Variants in SDK1 observed in about 807,000 individuals in gnomAD.
SDK1 encodes the protein sidekick cell adhesion molecule 1.
SDK1 carries 157 observed loss-of-function variants against 245.5 expected under a neutral mutation model. That is an observed-to-expected ratio of 0.64 (90% confidence interval 0.56 to 0.73). The LOEUF (loss-of-function observed/expected upper bound fraction) is 0.73, where lower values mean the gene tolerates loss of function less well. SDK1 is among the 30% of genes least tolerant of loss of function. The pLI, the probability that SDK1 is intolerant of heterozygous loss-of-function variation, is 0.00. For synonymous variants in SDK1, 1,647 were observed against 1,278.5 expected, an observed-to-expected ratio of 1.29 and a Z score of -6.15; for missense variants, 3,583 against 3,002.3, an observed-to-expected ratio of 1.19 and a Z score of -4.52.
intron 1 of SDK1, among the ~76,000 whole-genome samples, chr7:3,384,859 C>A (rs1350519254): frequency 1.3e-5 from 2 of 152,020 alleles, no homozygotes; most frequent in Non-Finnish European, 2.9e-5. Flanking sequence ...ACTGCAGTAC[C>A]CGTAGTATAT....
At chr7:3,488,350 A>C (rs1191074185) in intron 1 of SDK1, among the ~76,000 whole-genome samples, 1 of 151,968 alleles carries the variant, frequency 6.6e-6, no homozygotes, top group Non-Finnish European at 1.5e-5. Context: ...TTATTTTCTA[A>C]AGATTTTGTA....
chr7:4,128,282 G>A (rs1056607975), intron 26 of SDK1, among the ~76,000 whole-genome samples: 2 of 152,068 alleles, frequency 1.3e-5, no homozygotes, highest in African/African-American at 2.4e-5. Flanking sequence ...TGTTTTCCCC[G>A]CCTGCTCTCC....
intron 22 of SDK1, among the ~76,000 whole-genome samples, chr7:4,088,983 C>A (rs531936306): frequency 2.0e-5 from 3 of 150,312 alleles, no homozygotes; most frequent in Non-Finnish European, 3.0e-5. Context: ...GAGGTGAGAC[C>A]CTCCCTCAGG....
intron 26 of SDK1, among the ~76,000 whole-genome samples, chr7:4,128,331 T>A (rs1784528992): frequency 6.6e-6 from 1 of 152,236 alleles, no homozygotes; most frequent in South Asian, 2.1e-4. Flanking sequence ...AAGTGCGCCC[T>A]GCTGGCTCTG....
intron 5 of SDK1, among the ~76,000 whole-genome samples, chr7:3,949,786 T>C (rs1431938604): frequency 3.3e-5 from 5 of 152,324 alleles, no homozygotes; most frequent in Non-Finnish European, 5.9e-5. Flanking sequence ...CGAGATAAAT[T>C]ATTTATAGTT....
At chr7:3,678,118 A>G (rs1783967414) in intron 4 of SDK1, among the ~76,000 whole-genome samples, 1 of 152,208 alleles carries the variant, frequency 6.6e-6, no homozygotes, top group African/African-American at 2.4e-5. Context: ...CTAATATAAA[A>G]AGTAGAAAAT....
At position 4,049,472 on chromosome 7, in the gene SDK1, C is replaced by T. The variant is rs762944416; in HGVS notation, c.2718+9C>T. Reference sequence around the variant, plus strand: ...TCAACCAGGGATACAAGGTACGTGGCCTGGGTTCAGGGCCTGTGGGCAGCT... The same window carrying T: ...TCAACCAGGGATACAAGGTACGTGGTCTGGGTTCAGGGCCTGTGGGCAGCT... On this transcript the variant is annotated intron_variant, in intron 18 of 44. Transcript: ENST00000404826. 1.2e-5 allele frequency: 19 copies of T among 1,603,428 alleles called. No homozygotes were observed. In the South Asian group the frequency reaches 1.5e-4, roughly 13 times the overall value.
At chr7:4,104,571 C>A (rs1671563697) in intron 22 of SDK1, among the ~76,000 whole-genome samples, 1 of 152,212 alleles carries the variant, frequency 6.6e-6, no homozygotes, top group Admixed American at 6.5e-5. Flanking sequence ...TTCTTTCTTT[C>A]ATTCACTCTA....
At chr7:3,656,308 A>G (rs894211330) in intron 4 of SDK1, among the ~76,000 whole-genome samples, 3 of 152,100 alleles carry the variant, frequency 2.0e-5, no homozygotes, top group Admixed American at 2.0e-4. Context: ...TGTATCTGCT[A>G]GATAGTTTGT....
At chr7:3,877,599 TAAAAA>T (rs1239636911) in intron 5 of SDK1, among the ~76,000 whole-genome samples, 1 of 152,210 alleles carries the variant, frequency 6.6e-6, no homozygotes, top group Non-Finnish European at 1.5e-5. Flanking sequence ...ATAAAAGTAT[TAAAAA>T]AGAATACACA....
Position 4,174,204 on chromosome 7 carries a change from G to A in SDK1, c.4801-18G>A, listed in dbSNP as rs371299247. 252 of 1,613,672 alleles carry A rather than the reference G, an allele frequency of 1.6e-4. No individual in the cohort carries two copies. In the African/African-American group the frequency reaches 3.1e-3, roughly 20 times the overall value. Reference sequence around the variant, plus strand: ...TTGACTCCCATGGTGTGGCTGAGTCGGTGTGATGTCTTTGCAGCCTCCGAG... The same window carrying A: ...TTGACTCCCATGGTGTGGCTGAGTCAGTGTGATGTCTTTGCAGCCTCCGAG... On this transcript the variant is annotated intron_variant, in intron 32 of 44. Coordinates refer to ENST00000404826, the MANE Select transcript of SDK1 (RefSeq NM_152744.4).
At chr7:4,182,443 C>T (rs1042130289) in intron 35 of SDK1, among the ~76,000 whole-genome samples, 22 of 152,202 alleles carry the variant, frequency 1.4e-4, no homozygotes, top group East Asian at 3.8e-4. Context: ...CTTTGTCATT[C>T]GGGCAAATTG....
chr7:3,754,696 G>A (rs748216357), intron 4 of SDK1, among the ~76,000 whole-genome samples: 16 of 152,028 alleles, frequency 1.1e-4, no homozygotes, highest in Non-Finnish European at 2.2e-4. Flanking sequence ...GGTGGGGGGC[G>A]GAGTACTCCC....
chr7:4,204,691 C>T (rs991253286), intron 35 of SDK1, among the ~76,000 whole-genome samples: 7 of 152,186 alleles, frequency 4.6e-5, no homozygotes, highest in Non-Finnish European at 7.3e-5. Flanking sequence ...ACTCCTGGGC[C>T]GCAGCCCCGG....
intron 1 of SDK1, among the ~76,000 whole-genome samples, chr7:3,316,361 C>A (rs923105178): frequency 6.6e-6 from 1 of 152,060 alleles, no homozygotes; most frequent in African/African-American, 2.4e-5. Context: ...TAACATGCTG[C>A]ACAGGTTTGT....
intron 1 of SDK1, among the ~76,000 whole-genome samples, chr7:3,565,999 A>T (rs981831732): frequency 6.6e-6 from 1 of 152,294 alleles, no homozygotes; most frequent in East Asian, 1.9e-4. Context: ...ATAAGATACG[A>T]CTTACAGCAA....
intron 4 of SDK1, among the ~76,000 whole-genome samples, chr7:3,663,677 C>CA (rs1454279748): frequency 2.0e-5 from 3 of 152,140 alleles, no homozygotes; most frequent in African/African-American, 7.2e-5. Context: ...AGTCCCTGGG[C>CA]AAACCGAGAT....
intron 22 of SDK1, among the ~76,000 whole-genome samples, chr7:4,092,032 C>T (rs1229270692): frequency 6.6e-6 from 1 of 152,160 alleles, no homozygotes; most frequent in African/African-American, 2.4e-5. Flanking sequence ...ACACAAGCAG[C>T]ACAGGCTTTG....
intron 17 of SDK1, among the ~76,000 whole-genome samples, chr7:4,020,234 C>A (rs898206391): frequency 2.0e-5 from 3 of 152,032 alleles, no homozygotes; most frequent in African/African-American, 7.2e-5. Flanking sequence ...ATCCCTTGGA[C>A]GTGGCTGGGG....
Sources: gnomAD v4.1 joint callset for allele counts (sites outside exome capture counted in the v4.1 genomes callset) on GRCh38, gnomAD v4.1.1 for gene constraint, MANE v1.5 for transcripts, NCBI Gene and HGNC (gene_info 2026-07-23, HGNC 2026-07-21) for gene names.